KIAA0319L: variants seen among roughly 807,000 people sequenced by gnomAD.
KIAA0319L encodes KIAA0319 like.
A neutral mutation model predicts 120.1 loss-of-function variants in KIAA0319L; 55 were observed. The observed-to-expected ratio is 0.46, with a 90% CI of 0.37 to 0.57. The LOEUF is 0.57. Among genes scored for constraint, KIAA0319L ranks in the 20% least tolerant of loss-of-function variants. The pLI is 0.00. For synonymous variants in KIAA0319L, 398 were observed against 471.9 expected, an observed-to-expected ratio of 0.84 and a Z score of 2.03; for missense variants, 1,049 against 1,255.3, an observed-to-expected ratio of 0.84 and a Z score of 2.48.
At chr1:35,440,839 G>A (rs1300010532) in intron 20 of KIAA0319L, 26 of 573,858 alleles carry the variant, frequency 4.5e-5, no homozygotes, top group Admixed American at 1.8e-4. Flanking sequence ...CCCGCCAAGC[G>A]GAAGTAGCAC....
At chr1:35,456,566 C>T (rs533337126) in intron 9 of KIAA0319L, among the ~76,000 whole-genome samples, 1 of 152,242 alleles carries the variant, frequency 6.6e-6, no homozygotes, top group East Asian at 1.9e-4. Context: ...AATCCCAGCA[C>T]TTTGGGAGGC....
chr1:35,548,532 C>T (rs909574707), intron 2 of KIAA0319L, among the ~76,000 whole-genome samples: 1 of 152,074 alleles, frequency 6.6e-6, no homozygotes, highest in African/African-American at 2.4e-5. Context: ...TTCATATTTG[C>T]TTCTGTCAAT....
At chr1:35,467,622 A>C (rs1167377484) in intron 6 of KIAA0319L, among the ~76,000 whole-genome samples, 1 of 152,162 alleles carries the variant, frequency 6.6e-6, no homozygotes, top group Non-Finnish European at 1.5e-5. Flanking sequence ...CAAGGTATCA[A>C]ACTTTCTATT....
At chr1:35,464,808 G>C (rs1436158550) in intron 7 of KIAA0319L, among the ~76,000 whole-genome samples, 1 of 152,236 alleles carries the variant, frequency 6.6e-6, no homozygotes, top group Non-Finnish European at 1.5e-5. Flanking sequence ...GCAGCCTAGG[G>C]ACTTGGTGCC....
At chr1:35,550,246 G>A (rs1439365159) in intron 2 of KIAA0319L, among the ~76,000 whole-genome samples, 1 of 152,246 alleles carries the variant, frequency 6.6e-6, no homozygotes, top group Non-Finnish European at 1.5e-5. Context: ...CTCCTAAGTG[G>A]TAAGCGGGAG....
intron 8 of KIAA0319L, 81 bp from the exon 9 acceptor site, chr1:35,460,518 T>A: frequency 8.0e-7 from 1 of 1,254,022 alleles, no homozygotes; most frequent in Non-Finnish European, 1.1e-6. Context: ...CCAGGACAAC[T>A]ACCCAGAGAT....
In KIAA0319L at chr1:35,462,705, T is replaced by C; in HGVS notation, c.1210A>G (p.Lys404Glu). Reference sequence around the variant, plus strand: ...ACAATAGCAATGGGGGGCCGATTCTTACGGGGCTCTGCAAGAAAGTGACCC... The same window carrying C: ...ACAATAGCAATGGGGGGCCGATTCTCACGGGGCTCTGCAAGAAAGTGACCC... ...VNVTVKPEPR[K>E]NRPPIAIVSP... is the part of the protein sequence containing the mutation. Residue 404 changes from lysine (K) to glutamate (E), a missense_variant, in exon 8 of 21, where the codon AAG (lysine) becomes GAG (glutamate). Coordinates refer to ENST00000325722, the MANE Select transcript of KIAA0319L (RefSeq NM_024874.5). 2 of 1,613,894 alleles carry C rather than the reference T, an allele frequency of 1.2e-6. No homozygotes were observed. Among genetic ancestry groups the C allele is most frequent in the Non-Finnish European group, 1.7e-6 (2 of 1,179,776 alleles).
intron 2 of KIAA0319L, among the ~76,000 whole-genome samples, chr1:35,544,710 T>C (rs1330040270): frequency 2.0e-5 from 3 of 152,190 alleles, no homozygotes; most frequent in African/African-American, 7.2e-5. Context: ...AATAGTTTCA[T>C]GGAGTAGACA....
Position 35,541,231 on chromosome 1 carries a change from T to G in KIAA0319L, c.142+13119A>C, listed in dbSNP as rs577131412. On this transcript the variant is annotated intron_variant, in intron 2 of 20. Coordinates refer to ENST00000325722, the MANE Select transcript of KIAA0319L (RefSeq NM_024874.5). ...TGCTGGGATTACAAGCATGAGCCAC[T>G]GCGCCTGGTCTTACCACTGCATTTC... 1.8e-4 allele frequency among the ~76,000 whole-genome samples: 27 copies of G among 151,852 alleles called. No homozygotes were observed. In the South Asian group the frequency reaches 4.6e-3, roughly 26 times the overall value.
chr1:35,442,734 T>C (rs530437239), intron 18 of KIAA0319L, among the ~76,000 whole-genome samples, 172 bp downstream of exon 18: 1 of 152,340 alleles, frequency 6.6e-6, no homozygotes, highest in South Asian at 2.1e-4. Context: ...GGCTTTCCTC[T>C]AACCTTGAGC....
At chr1:35,461,530 G>A (rs1642890602) in intron 8 of KIAA0319L, among the ~76,000 whole-genome samples, 2 of 152,020 alleles carry the variant, frequency 1.3e-5, no homozygotes, top group East Asian at 3.8e-4. Context: ...CACATATAAT[G>A]TGCTTTCATT....
intron 6 of KIAA0319L, 27 bp from the exon 7 acceptor site, chr1:35,466,722 GACAATC>G (rs1643289177): frequency 6.9e-7 from 1 of 1,448,530 alleles, no homozygotes; most frequent in East Asian, 2.3e-5. Context: ...AGATCTCTTA[GACAATC>G]ACAAAGAGCA....
In KIAA0319L at chr1:35,506,710, C is replaced by G. The variant is rs376726048; in HGVS notation, c.568G>C (p.Gly190Arg). 7.4e-6 allele frequency: 12 copies of G among 1,614,058 alleles called. No individual in the cohort carries two copies. The African/African-American group carries it at 1.2e-4, about 16-fold the overall frequency. Residue 190 changes from glycine to arginine, a missense_variant, in exon 3 of 21, where the codon GGT becomes CGT. Physicochemically the swap from Gly to Arg is moderately radical, Grantham distance 125 (BLOSUM62 -2). Transcript: ENST00000325722. This position sits in a 1 kb window ranked among gnomAD's most constrained non-coding sequence, Gnocchi z 4.0. ...QSLIRKLQKR[G>R]SPSDVVTPIV... ...GGTGTAACTACGTCACTGGGACTAC[C>G]TCTCTTCTGAAGCTTCCTGATTAAG...
chr1:35,472,448 C>A (rs918220438), intron 5 of KIAA0319L, among the ~76,000 whole-genome samples: 1 of 152,134 alleles, frequency 6.6e-6, no homozygotes, highest in African/African-American at 2.4e-5. Flanking sequence ...CGTACCACCA[C>A]GTCTGGCTAA....
intron 2 of KIAA0319L, among the ~76,000 whole-genome samples, chr1:35,552,201 G>A (rs1647257389): frequency 6.6e-6 from 1 of 152,180 alleles, no homozygotes; most frequent in African/African-American, 2.4e-5. Flanking sequence ...AATTAGCTGG[G>A]TGTGGTGGCA....
In KIAA0319L at chr1:35,532,794, A is replaced by G. The variant is rs541282337; in HGVS notation, c.142+21556T>C. On this transcript the variant is annotated intron_variant, in intron 2 of 20. Coordinates refer to ENST00000325722, the MANE Select transcript of KIAA0319L (RefSeq NM_024874.5). Reference sequence around the variant, plus strand: ...AACCTTAGACTGAAAATCTTTTGGGAAAGTCTGGAATGCACTGTTGGTAGG... The same window carrying G: ...AACCTTAGACTGAAAATCTTTTGGGGAAGTCTGGAATGCACTGTTGGTAGG... Among the ~76,000 whole-genome samples the G allele has an allele frequency of 3.9e-5, 6 of 152,310 alleles. No individual in the cohort carries two copies. In the South Asian group the frequency reaches 8.3e-4, roughly 21 times the overall value.
At chr1:35,495,392 A>G (rs535928542) in intron 3 of KIAA0319L, among the ~76,000 whole-genome samples, 1 of 152,248 alleles carries the variant, frequency 6.6e-6, no homozygotes, top group South Asian at 2.1e-4. Flanking sequence ...TAAAATTATG[A>G]ATCTTTCAGA....
rs573143867 is a variant in KIAA0319L at position 35,484,127 on chromosome 1, G to C, written c.667-4915C>G. 2.6e-5 allele frequency among the ~76,000 whole-genome samples: 4 copies of C among 152,264 alleles called. No homozygotes were observed. In the South Asian group the frequency reaches 8.3e-4, roughly 32 times the overall value. Reference sequence around the variant, plus strand: ...TTCCCAAATAAGGTCACATGCTGAGGTTCCAGATGGACATGAATGCGGGGA... The same window carrying C: ...TTCCCAAATAAGGTCACATGCTGAGCTTCCAGATGGACATGAATGCGGGGA... On this transcript the variant is annotated intron_variant, in intron 3 of 20. Transcript: ENST00000325722.
At chr1:35,496,143 G>A (rs1644798670) in intron 3 of KIAA0319L, among the ~76,000 whole-genome samples, 1 of 152,226 alleles carries the variant, frequency 6.6e-6, no homozygotes, top group Admixed American at 6.5e-5. Flanking sequence ...ATATAGGCCG[G>A]TTATGGTGGC....
Sources: allele counts gnomAD v4.1 joint callset (sites outside exome capture counted in the v4.1 genomes callset), GRCh38; gene constraint gnomAD v4.1.1; non-coding constraint Gnocchi (gnomAD v3.1); transcripts MANE v1.5; gene names NCBI Gene and HGNC (gene_info 2026-07-23, HGNC 2026-07-21).